The following DLGAP1 variants were observed in gnomAD, a reference collection of about 807,000 sequenced individuals.
DLGAP1 encodes the protein disks large-associated protein 1.
DLGAP1 carries 11 observed loss-of-function variants against 90.8 expected under a neutral mutation model. That is an observed-to-expected ratio of 0.12 (90% confidence interval 0.08 to 0.20). The LOEUF is 0.20. Among genes scored for constraint, DLGAP1 ranks in the 10% least tolerant of loss-of-function variants. The probability of loss-of-function intolerance (pLI) is 1.00; values close to 1 mark genes in which losing one functional copy is unlikely to be tolerated. For missense variants in DLGAP1, 1,050 were observed against 1,333.8 expected (o/e 0.79, Z 3.31); for synonymous variants, 558 against 540.7 (o/e 1.03, Z -0.44).
intron 2 of DLGAP1, among the ~76,000 whole-genome samples, chr18:4,020,219 AC>A (rs1350659345): frequency 2.6e-5 from 4 of 152,050 alleles, no homozygotes; most frequent in Non-Finnish European, 4.4e-5. Context: ...GGCATGTCCA[AC>A]CCCCGACTTC....
At chr18:3,714,475 A>G (rs2061693290) in intron 7 of DLGAP1, among the ~76,000 whole-genome samples, 2 of 152,162 alleles carry the variant, frequency 1.3e-5, no homozygotes, top group African/African-American at 4.8e-5. Flanking sequence ...GAGGCTCTGG[A>G]TAACACGTAC....
intron 5 of DLGAP1, among the ~76,000 whole-genome samples, chr18:3,797,676 CACTACACATAGTGTTGGAAG>C (rs567768770): frequency 8.9e-4 from 136 of 152,148 alleles, no homozygotes; most frequent in Non-Finnish European, 1.7e-3. Flanking sequence ...TCAGGTGGGT[CACTACACATAGTGTTGGAAG>C]AGTGTGTTTT....
At chr18:4,076,018 C>G (rs1241398302) in intron 2 of DLGAP1, among the ~76,000 whole-genome samples, 3 of 152,184 alleles carry the variant, frequency 2.0e-5, no homozygotes, top group Non-Finnish European at 4.4e-5. Context: ...CTCTCCCTTT[C>G]TCGCTCTCTG....
chr18:3,600,735 TATAG>T lies in DLGAP1; in HGVS notation c.1592-18491_1592-18488del, dbSNP rs1358671782. Among the ~76,000 whole-genome samples the T allele has an allele frequency of 1.3e-4, 7 of 55,202 alleles. 1 individual carries two copies. Among genetic ancestry groups the T allele is most frequent in the Admixed American group, 1.2e-3 (7 of 5,790 alleles). The allele number at this position is 55,202 out of a possible 152,430, so 36.2% of individuals were successfully genotyped here. On this transcript the variant is annotated intron_variant, in intron 7 of 12. Transcript: ENST00000315677. Reference sequence around the variant, plus strand: ...ATATAGATATAGAGATATAGATATATATAGATATATAGATATATATAGATATATA... The same window carrying T: ...ATATAGATATAGAGATATAGATATATATATATAGATATATATAGATATATA...
intron 7 of DLGAP1, among the ~76,000 whole-genome samples, chr18:3,716,584 C>T (rs1266547077): frequency 6.6e-6 from 1 of 151,984 alleles, no homozygotes; most frequent in African/African-American, 2.4e-5. Flanking sequence ...CACCTCAGAA[C>T]ATTTGAAAAC....
At chr18:3,830,927 C>T (rs889620160) in intron 4 of DLGAP1, among the ~76,000 whole-genome samples, 12 of 152,200 alleles carry the variant, frequency 7.9e-5, no homozygotes, top group Non-Finnish European at 1.3e-4. Context: ...TCTCTAATTA[C>T]ATCACTCAGG....
At chr18:3,666,410 C>A (rs1275140406) in intron 7 of DLGAP1, among the ~76,000 whole-genome samples, 3 of 152,164 alleles carry the variant, frequency 2.0e-5, no homozygotes, top group Non-Finnish European at 4.4e-5. Context: ...TTAGTCAAAG[C>A]CAGACCCGAG....
intron 2 of DLGAP1, among the ~76,000 whole-genome samples, chr18:4,133,955 G>A (rs1463435233): frequency 6.6e-6 from 1 of 151,040 alleles, no homozygotes; most frequent in Non-Finnish European, 1.5e-5. Context: ...AATAAATCGA[G>A]GATGACCCAA....
intron 9 of DLGAP1, among the ~76,000 whole-genome samples, chr18:3,561,995 G>A (rs1394480752): frequency 6.6e-6 from 1 of 150,482 alleles, no homozygotes; most frequent in African/African-American, 2.5e-5. Flanking sequence ...TTGGGAGGCC[G>A]AGGCGGGAAG....
chr18:3,838,327 T>C (rs932713926), intron 4 of DLGAP1, among the ~76,000 whole-genome samples: 1 of 152,234 alleles, frequency 6.6e-6, no homozygotes, highest in Non-Finnish European at 1.5e-5. Flanking sequence ...TTAAGAAATA[T>C]TCTGTTGTAT....
At chr18:3,742,829 G>A (rs954165545) in intron 5 of DLGAP1, among the ~76,000 whole-genome samples, 1 of 152,168 alleles carries the variant, frequency 6.6e-6, no homozygotes, top group African/African-American at 2.4e-5. Context: ...TCTGACTTGT[G>A]TAATTTGTAA....
intron 5 of DLGAP1, among the ~76,000 whole-genome samples, chr18:3,782,127 C>T (rs1166577178): frequency 6.6e-6 from 1 of 151,334 alleles, no homozygotes; most frequent in Admixed American, 6.6e-5. Flanking sequence ...TTAAAGTTCA[C>T]TTTTGCTCTA....
At chr18:4,052,086 T>C (rs909127645) in intron 2 of DLGAP1, among the ~76,000 whole-genome samples, 3 of 152,314 alleles carry the variant, frequency 2.0e-5, no homozygotes, top group Admixed American at 2.0e-4. Context: ...TGGGCTGGCA[T>C]TGAGTGTCTG....
chr18:4,297,626 T>G (rs531766957), intron 1 of DLGAP1, among the ~76,000 whole-genome samples: 93 of 152,266 alleles, frequency 6.1e-4, no homozygotes, highest in African/African-American at 2.1e-3. Context: ...GCCTCGGAAG[T>G]CGGAGAGTAA....
At chr18:3,793,555 C>T (rs1316371721) in intron 5 of DLGAP1, among the ~76,000 whole-genome samples, 1 of 152,182 alleles carries the variant, frequency 6.6e-6, no homozygotes, top group African/African-American at 2.4e-5. Context: ...TGCTGGTCCT[C>T]CACCCAAGGC....
chr18:4,025,791 T>A (rs1411538531), intron 2 of DLGAP1, among the ~76,000 whole-genome samples: 1 of 152,194 alleles, frequency 6.6e-6, no homozygotes, highest in African/African-American at 2.4e-5. Context: ...TACACATATA[T>A]AAAATTGTTT....
At chr18:4,260,478 G>A (rs185723173) in intron 1 of DLGAP1, among the ~76,000 whole-genome samples, 6 of 152,248 alleles carry the variant, frequency 3.9e-5, no homozygotes, top group Non-Finnish European at 7.4e-5. Flanking sequence ...ACTTATGTTT[G>A]CAAATCAAGC....
intron 2 of DLGAP1, among the ~76,000 whole-genome samples, chr18:4,036,300 G>A (rs145811253): frequency 1.3e-4 from 20 of 152,218 alleles, no homozygotes; most frequent in African/African-American, 4.3e-4. Context: ...AAGGTACAAG[G>A]CACTGCATTT....
intron 8 of DLGAP1, among the ~76,000 whole-genome samples, chr18:3,570,357 C>T (rs2054699605): frequency 6.6e-6 from 1 of 151,152 alleles, no homozygotes; most frequent in Non-Finnish European, 1.5e-5. Flanking sequence ...CGGCTCAGTG[C>T]AACCTCCACC....
Sources: gnomAD v4.1 joint callset for allele counts (sites outside exome capture counted in the v4.1 genomes callset) on GRCh38, gnomAD v4.1.1 for gene constraint, MANE v1.5 for transcripts, NCBI Gene and HGNC (gene_info 2026-07-23, HGNC 2026-07-21) for gene names.